C5orf34: variants seen among roughly 807,000 people sequenced by gnomAD.
C5orf34 encodes uncharacterized protein C5orf34.
C5orf34 carries 73 observed loss-of-function variants against 78.4 expected under a neutral mutation model. The ratio of observed to expected loss-of-function variants is 0.93; its 90% CI spans 0.77 to 1.13. C5orf34 has a LOEUF of 1.13. Ranked by LOEUF, C5orf34 falls within the 50% of genes most tolerant of loss-of-function variation. C5orf34 has a pLI of 0.00. For synonymous variants in C5orf34, 251 were observed against 246.6 expected, an observed-to-expected ratio of 1.02 and a Z score of -0.17; for missense variants, 730 against 732.7, an observed-to-expected ratio of 1.00 and a Z score of 0.04.
chr5:43,497,725 A>C (rs939406839), intron 6 of C5orf34, among the ~76,000 whole-genome samples: 4 of 152,246 alleles, frequency 2.6e-5, no homozygotes, highest in African/African-American at 4.8e-5. Context: ...AATAGGTACC[A>C]AACAAAAGTC....
At position 43,509,196 on chromosome 5, in the gene C5orf34, T is replaced by C. The variant is rs1746116133; in HGVS notation, c.144A>G (p.Glu48=). The C allele has an allele frequency of 6.2e-7, 1 of 1,614,024 alleles. No homozygotes were observed. Among genetic ancestry groups the C allele is most frequent in the African/African-American group, 1.3e-5 (1 of 74,940 alleles). The change falls in exon 2 of 13, where the codon GAA becomes GAG. Residue 48 remains glutamate (E), a synonymous_variant. Transcript: ENST00000306862. ...TCCTTTGACGAATTCTTTCTGGTTG[T>C]TCTAAAGGATGTGCTGAAACAGGTG... ...KSPPVSAHPL[E]QPERIRQRTH...
rs1489750898 is a variant in C5orf34, at chr5:43,496,478, A to G, written c.1153-1877T>C. The stretch of plus-strand genomic sequence containing the variant: ...ATTTTGGCTTTTAGGGGTAGTTTTC[A>G]CAACACCTGTGTTCTGGTGGCAAAC... On this transcript the variant is annotated intron_variant, in intron 6 of 12. Coordinates refer to ENST00000306862, the MANE Select transcript of C5orf34 (RefSeq NM_198566.4). 1.8e-5 allele frequency: 28 copies of G among 1,544,068 alleles called. 1 individual carries two copies. The South Asian group carries it at 3.0e-4, about 16-fold the overall frequency.
At chr5:43,502,728 C>T (rs941906585) in intron 5 of C5orf34, among the ~76,000 whole-genome samples, 4 of 152,342 alleles carry the variant, frequency 2.6e-5, no homozygotes, top group Admixed American at 6.5e-5. Flanking sequence ...AAACTAAGAA[C>T]TTCTGGAATT....
At chr5:43,511,719 A>G (rs1394384405) in intron 1 of C5orf34, among the ~76,000 whole-genome samples, 2 of 152,156 alleles carry the variant, frequency 1.3e-5, no homozygotes, top group Non-Finnish European at 2.9e-5. Context: ...CTGTTGATCT[A>G]TGACCTTACC....
rs890879843 is a variant in C5orf34 at position 43,515,115 on chromosome 5, G to A, written c.-346C>T. On this transcript the variant is annotated 5_prime_UTR_variant, in exon 1 of 13. Transcript: ENST00000306862. ...ACCGCACAAGACCAGTTCAAAACCA[G>A]CGCCCTCAGGGAGCCGCTTCAGAGC... The A allele has an allele frequency of 1.3e-5, 2 of 152,192 alleles. No individual in the cohort carries two copies. Among genetic ancestry groups the A allele is most frequent in the Admixed American group, 6.5e-5 (1 of 15,282 alleles). 9.4% of individuals were successfully genotyped at this position (152,192 alleles called of 1,614,324 possible). A position where few individuals can be genotyped will look rare whatever the true frequency, so the allele number is the denominator to read the frequency against.
chr5:43,504,336 C>T (rs1262863822), intron 4 of C5orf34, among the ~76,000 whole-genome samples: 2 of 151,670 alleles, frequency 1.3e-5, no homozygotes, highest in African/African-American at 4.8e-5. Flanking sequence ...CTATAGTGGG[C>T]CAAGCACTGT....
intron 11 of C5orf34, among the ~76,000 whole-genome samples, chr5:43,488,603 AC>A (rs969884657): frequency 6.6e-6 from 1 of 152,024 alleles, no homozygotes; most frequent in Non-Finnish European, 1.5e-5. Flanking sequence ...GGAATAGACT[AC>A]CTACTTATTT....
intron 6 of C5orf34, chr5:43,496,572 G>GT (rs1363503162): frequency 4.6e-5 from 29 of 628,692 alleles, no homozygotes; most frequent in East Asian, 1.3e-4. Context: ...TCATTCAAAA[G>GT]TTTTTTTTAA....
chr5:43,503,247 T>C (rs987703211), intron 5 of C5orf34, among the ~76,000 whole-genome samples: 4 of 152,148 alleles, frequency 2.6e-5, no homozygotes, highest in Admixed American at 2.6e-4. Context: ...ACTCAATGAG[T>C]ATTTGCTTTG....
intron 3 of C5orf34, among the ~76,000 whole-genome samples, chr5:43,507,278 G>C (rs1349245520): frequency 1.3e-5 from 2 of 152,184 alleles, no homozygotes; most frequent in African/African-American, 4.8e-5. Context: ...ATTTTGCCAA[G>C]CATTTAGCAT....
chr5:43,496,079 A>G (rs997079837), intron 6 of C5orf34: 1 of 1,566,560 alleles, frequency 6.4e-7, no homozygotes, highest in African/African-American at 1.4e-5. Context: ...ATTCTTGGAG[A>G]TACCAGTTTC....
At chr5:43,496,539 T>A (rs4576155) in intron 6 of C5orf34, 547,134 of 1,153,694 alleles carry the variant, frequency 0.47, 137,672 homozygotes, top group East Asian at 0.77. Flanking sequence ...TCCCATTTTT[T>A]AAAAATATAG....
chr5:43,489,223 TTAA>T (rs1300390272), intron 11 of C5orf34, among the ~76,000 whole-genome samples: 1 of 152,116 alleles, frequency 6.6e-6, no homozygotes, highest in Admixed American at 6.5e-5. Flanking sequence ...AAAAGTTGAA[TTAA>T]TAAGCTAATA....
intron 11 of C5orf34, 69 bp from the exon 12 acceptor site, chr5:43,488,018 G>C: frequency 8.0e-7 from 1 of 1,253,280 alleles, no homozygotes; most frequent in South Asian, 1.3e-5. Flanking sequence ...TTTCAAATAA[G>C]CATACCTGAC....
chr5:43,500,478 C>G lies in C5orf34; in HGVS notation c.1152+1894G>C, dbSNP rs180816496. Among the ~76,000 whole-genome samples, 10 of 152,246 alleles carry G rather than the reference C, an allele frequency of 6.6e-5. No individual in the cohort carries two copies. In the East Asian group the frequency reaches 1.7e-3, roughly 27 times the overall value. On this transcript the variant is annotated intron_variant, in intron 6 of 12. Coordinates refer to ENST00000306862, the MANE Select transcript of C5orf34 (RefSeq NM_198566.4). ...TGGTGTGATCTTGGCTCACTGCAAC[C>G]TCCACCTCCCAGGTTCAAGCGATTC... is the stretch of plus-strand genomic sequence containing the variant.
intron 9 of C5orf34, 84 bp downstream of exon 9, chr5:43,492,636 G>A: frequency 8.5e-7 from 1 of 1,182,394 alleles, no homozygotes. Context: ...AAAATGAACT[G>A]AAATAGTGTG....
chr5:43,488,081 G>T, intron 11 of C5orf34, 132 bp from the exon 12 acceptor site: 1 of 643,334 alleles, frequency 1.6e-6, no homozygotes, highest in South Asian at 2.0e-5. Context: ...TTCTCTTTAT[G>T]TTACCTTTAT....
chr5:43,491,400 T>A (rs1745274843), intron 10 of C5orf34, among the ~76,000 whole-genome samples: 1 of 152,170 alleles, frequency 6.6e-6, no homozygotes, highest in Non-Finnish European at 1.5e-5. Context: ...GTGAATATTC[T>A]CAAGTGAAAT....
rs768233778 is a variant in C5orf34 at position 43,506,223 on chromosome 5, G to A, written c.457C>T (p.Gln153Ter). 6 of 1,614,080 alleles carry A rather than the reference G, an allele frequency of 3.7e-6. No homozygotes were observed. The highest frequency in any genetic ancestry group is 5.1e-6 in the Non-Finnish European group (6 of 1,180,020). The change falls in exon 4 of 13, where the codon CAG becomes TAG. Residue 153 changes from glutamine (Q) to a stop codon, truncating the protein, a stop_gained. Coordinates refer to ENST00000306862, the MANE Select transcript of C5orf34 (RefSeq NM_198566.4). LOFTEE classifies it high-confidence loss of function. Reference protein sequence around the residue: ...FTVHFLCKVSQKSDSSAVLSE... With the variant: ...FTVHFLCKVS ...AACACTGCAGATGAGTCTGACTTCT[G>A]GCTAACTTTACACAAAAAATGTACT... is the stretch of plus-strand genomic sequence containing the variant.
Sources: allele counts gnomAD v4.1 joint callset (sites outside exome capture counted in the v4.1 genomes callset), GRCh38; gene constraint gnomAD v4.1.1; transcripts MANE v1.5; gene names NCBI Gene and HGNC (gene_info 2026-07-23, HGNC 2026-07-21).